RNF169: variants seen among roughly 807,000 people sequenced by gnomAD.
RNF169 encodes ring finger protein 169.
Under a neutral mutation model 53.9 loss-of-function variants are expected in RNF169, and 24 were observed. The observed-to-expected ratio is 0.45, with a 90% CI of 0.32 to 0.63. The LOEUF (loss-of-function observed/expected upper bound fraction) is 0.63. Among genes scored for constraint, RNF169 ranks in the 20% least tolerant of loss-of-function variants. The pLI is 0.04. For missense variants in RNF169, 883 were observed against 906.2 expected, an observed-to-expected ratio of 0.97 and a Z score of 0.33; for synonymous variants, 396 against 363.5, an observed-to-expected ratio of 1.09 and a Z score of -1.02.
At chr11:74,759,875 A>G (rs886675948) in intron 1 of RNF169, among the ~76,000 whole-genome samples, 61 of 152,006 alleles carry the variant, frequency 4.0e-4, no homozygotes, top group African/African-American at 1.4e-3. Context: ...GAATAGTTTC[A>G]GAAGGAATGG....
At chr11:74,777,524 C>G (rs1802279949) in intron 1 of RNF169, among the ~76,000 whole-genome samples, 1 of 152,120 alleles carries the variant, frequency 6.6e-6, no homozygotes, top group Non-Finnish European at 1.5e-5. Context: ...TGTGCTGATC[C>G]AGTGCGGATT....
rs1409680661 is a variant in RNF169, at chr11:74,771,335, CTGACA to C, written c.503-18280_503-18276del. Among the ~76,000 whole-genome samples the C allele has an allele frequency of 3.9e-5, 6 of 152,300 alleles. No individual in the cohort carries two copies. In the South Asian group the frequency reaches 8.3e-4, roughly 21 times the overall value. ...TGCCAAAAATCTGAAACTATAAGTG[CTGACA>C]TGACATGACAAGTGGAAAATTCTAC... On this transcript the variant is annotated intron_variant, in intron 1 of 5. Transcript: ENST00000299563.
chr11:74,748,880 G>A lies in RNF169; in HGVS notation c.-1G>A. The A allele has an allele frequency of 7.0e-7, 1 of 1,419,522 alleles. No individual in the cohort carries two copies. The highest frequency in any genetic ancestry group is 2.8e-5 in the East Asian group (1 of 35,490). 87.9% of individuals were successfully genotyped at this position (1,419,522 alleles called of 1,614,324 possible). A position where few individuals can be genotyped will look rare whatever the true frequency, so the allele number is the denominator to read the frequency against. ...GACTCTCCCTTCAAACGGGAAACAAGATGGCGGCTGCAGGTCCGAGTACTC... is the reference window on the plus strand; with the variant it reads ...GACTCTCCCTTCAAACGGGAAACAAAATGGCGGCTGCAGGTCCGAGTACTC... On this transcript the variant is annotated 5_prime_UTR_variant, in exon 1 of 6. Transcript: ENST00000299563.
intron 4 of RNF169, chr11:74,831,325 A>G (rs1340282732): frequency 1.3e-5 from 2 of 152,228 alleles, no homozygotes; most frequent in Non-Finnish European, 2.9e-5. Context: ...CCACACAAAA[A>G]TCAGTTGCAT....
chr11:74,766,628 G>A (rs1014573339), intron 1 of RNF169, among the ~76,000 whole-genome samples: 2 of 152,212 alleles, frequency 1.3e-5, no homozygotes, highest in African/African-American at 4.8e-5. Flanking sequence ...TGTTCCAGGA[G>A]ATAGGGAGCA....
intron 1 of RNF169, among the ~76,000 whole-genome samples, chr11:74,756,028 T>G (rs1200294663): frequency 6.6e-6 from 1 of 151,190 alleles, no homozygotes; most frequent in East Asian, 1.9e-4. Flanking sequence ...AGGTGGGGAG[T>G]CGTTAGGGGA....
At chr11:74,823,738 GAAA>G (rs35164191) in intron 4 of RNF169, among the ~76,000 whole-genome samples, 8 of 105,724 alleles carry the variant, frequency 7.6e-5, no homozygotes, top group Admixed American at 2.0e-4. Context: ...CCCTGTCTCA[GAAA>G]AAAAAAAAAA....
At chr11:74,785,063 T>C (rs149025582) in intron 1 of RNF169, among the ~76,000 whole-genome samples, 7 of 151,268 alleles carry the variant, frequency 4.6e-5, no homozygotes, top group Non-Finnish European at 1.0e-4. Flanking sequence ...TTAATTGTGC[T>C]CTTCCGCATT....
intron 4 of RNF169, among the ~76,000 whole-genome samples, chr11:74,818,350 C>T (rs1454160133): frequency 6.6e-6 from 1 of 152,182 alleles, no homozygotes; most frequent in Non-Finnish European, 1.5e-5. Context: ...ATTTTGTGAA[C>T]AGCTGCTACA....
Position 74,835,601 on chromosome 11 carries a change from A to C in RNF169, c.998A>C (p.Gln333Pro). Residue 333 changes from glutamine (Q) to proline (P), a missense_variant, in exon 6 of 6, where the codon CAA (glutamine) becomes CCA (proline). By Grantham distance (76) the Gln-to-Pro change is moderately conservative (BLOSUM62 -1). Coordinates refer to ENST00000299563, the MANE Select transcript of RNF169 (RefSeq NM_001098638.2). ...NPIIGVLLST[Q>P]NNRCVSAPDL... ...ATCATTGGTGTCCTCTTGTCAACTC[A>C]AAACAACCGCTGCGTCTCGGCCCCT... 1 of 1,614,154 alleles carries C rather than the reference A, an allele frequency of 6.2e-7. No individual in the cohort carries two copies. Among genetic ancestry groups the C allele is most frequent in the Non-Finnish European group, 8.5e-7 (1 of 1,180,000 alleles).
chr11:74,821,032 C>CTA (rs1458729843), intron 4 of RNF169, among the ~76,000 whole-genome samples: 3 of 152,214 alleles, frequency 2.0e-5, no homozygotes, highest in Non-Finnish European at 4.4e-5. Flanking sequence ...CCTCTCAACT[C>CTA]ATTAGAGTAC....
Position 74,749,035 on chromosome 11 carries a change from C to A in RNF169, c.155C>A (p.Pro52Gln). The A allele has an allele frequency of 6.8e-7, 1 of 1,472,016 alleles. No individual in the cohort carries two copies. Among genetic ancestry groups the A allele is most frequent in the Admixed American group, 2.3e-5 (1 of 43,950 alleles). 91.2% of individuals were successfully genotyped at this position (1,472,016 alleles called of 1,614,324 possible). ...ASGPSLLVLSPPLLQPPLPPR... is the reference protein window; with the variant it reads ...ASGPSLLVLSQPLLQPPLPPR... ...GGACCTTCGCTGTTGGTGTTGTCGC[C>A]GCCGTTGCTGCAGCCGCCGCTGCCG... The change falls in exon 1 of 6, where the codon CCG becomes CAG. Residue 52 changes from proline (P) to glutamine (Q), a missense_variant. This residue lies in a region of RNF169 where 313 missense variants were observed against 279.9 expected (regional missense o/e 1.12). Transcript: ENST00000299563.
At chr11:74,829,552 T>C (rs979354462) in intron 4 of RNF169, among the ~76,000 whole-genome samples, 8 of 152,194 alleles carry the variant, frequency 5.3e-5, no homozygotes, top group South Asian at 2.1e-4. Flanking sequence ...TGTGTGTTCA[T>C]TGCAGCACTG....
intron 2 of RNF169, among the ~76,000 whole-genome samples, chr11:74,800,529 C>A (rs1241315002): frequency 6.6e-6 from 1 of 152,122 alleles, no homozygotes; most frequent in Non-Finnish European, 1.5e-5. Context: ...GTAAAATAGA[C>A]ATCATAGTAC....
Position 74,840,532 on chromosome 11 carries a change from G to C in RNF169, c.*3802G>C, listed in dbSNP as rs2036360011. 6.6e-6 allele frequency: 1 copy of C among 152,236 alleles called. No homozygotes were observed. The highest frequency in any genetic ancestry group is 1.9e-4 in the East Asian group (1 of 5,192). The allele number at this position is 152,236 out of a possible 1,614,324, so 9.4% of individuals were successfully genotyped here. A position where few individuals can be genotyped will look rare whatever the true frequency, so the allele number is the denominator to read the frequency against. On this transcript the variant is annotated 3_prime_UTR_variant, in exon 6 of 6. Transcript: ENST00000299563. ...TAAGCCCCAAGAAGTGAGGTGGGTT[G>C]TGGATCACTGACATGGTCAGGGGAG...
intron 2 of RNF169, among the ~76,000 whole-genome samples, chr11:74,798,407 C>T (rs1174430337): frequency 1.3e-5 from 2 of 152,164 alleles, no homozygotes; most frequent in Non-Finnish European, 2.9e-5. Flanking sequence ...AGACTTCAGT[C>T]TCCCATAGCG....
At chr11:74,809,696 A>G (rs1301441904) in intron 2 of RNF169, among the ~76,000 whole-genome samples, 1 of 152,208 alleles carries the variant, frequency 6.6e-6, no homozygotes, top group African/African-American at 2.4e-5. Context: ...TAGACCGTGT[A>G]TCTTGACTTA....
intron 1 of RNF169, among the ~76,000 whole-genome samples, chr11:74,782,244 G>T (rs2035426245): frequency 6.6e-6 from 1 of 152,106 alleles, no homozygotes; most frequent in African/African-American, 2.4e-5. Context: ...AGTTGTTGAT[G>T]GAATGTAAAA....
At chr11:74,765,676 C>G (rs1191514927) in intron 1 of RNF169, among the ~76,000 whole-genome samples, 1 of 151,896 alleles carries the variant, frequency 6.6e-6, no homozygotes, top group Non-Finnish European at 1.5e-5. Flanking sequence ...GTGGTGGGTG[C>G]CTGTAATCCC....
Sources: allele counts gnomAD v4.1 joint callset (sites outside exome capture counted in the v4.1 genomes callset), GRCh38; gene constraint gnomAD v4.1.1; regional missense constraint gnomAD v4.1.1; transcripts MANE v1.5; gene names NCBI Gene and HGNC (gene_info 2026-07-23, HGNC 2026-07-21).